STXBP6: variants seen among roughly 807,000 people sequenced by gnomAD.
STXBP6 encodes syntaxin-binding protein 6.
In STXBP6, 21 loss-of-function variants were observed where a neutral mutation model predicts 26.9. That is an observed-to-expected ratio of 0.78 (90% CI 0.55 to 1.12). STXBP6 has a LOEUF of 1.12. Among genes scored for constraint, STXBP6 ranks in the 50% most tolerant of loss-of-function variants. STXBP6 has a pLI of 0.00. For synonymous variants in STXBP6, 97 were observed against 92.6 expected (o/e 1.05, Z -0.27); for missense variants, 232 against 257.9 (o/e 0.90, Z 0.69).
chr14:24,933,174 C>T (rs1317182632), intron 2 of STXBP6, among the ~76,000 whole-genome samples: 6 of 152,110 alleles, frequency 3.9e-5, no homozygotes, highest in Non-Finnish European at 8.8e-5. Flanking sequence ...CACCCTGTCC[C>T]TATAAAAAAT....
chr14:24,819,020 C>T lies in STXBP6; in HGVS notation c.609+17G>A, dbSNP rs746446038. 1 of 1,557,944 alleles carries T rather than the reference C, an allele frequency of 6.4e-7. No individual in the cohort carries two copies. The highest frequency in any genetic ancestry group is 8.7e-7 in the Non-Finnish European group (1 of 1,149,604). On this transcript the variant is annotated intron_variant, in intron 5 of 5. Coordinates refer to ENST00000323944, the MANE Select transcript of STXBP6 (RefSeq NM_001394410.1). The stretch of plus-strand genomic sequence containing the variant: ...CAACACCCCAGAGCTGAGAAGCCTG[C>T]TCCTCTCTTGGCCCACCTTGTGCGC...
chr14:24,832,537 A>G (rs571277541), intron 4 of STXBP6, among the ~76,000 whole-genome samples: 1 of 152,318 alleles, frequency 6.6e-6, no homozygotes, highest in African/African-American at 2.4e-5. Flanking sequence ...GGGTATCATG[A>G]CTATTCATTA....
intron 2 of STXBP6, among the ~76,000 whole-genome samples, chr14:24,884,214 T>A (rs1279296940): frequency 6.6e-6 from 1 of 152,232 alleles, no homozygotes; most frequent in Non-Finnish European, 1.5e-5. Flanking sequence ...ACTAATCTAA[T>A]CCTTAAAAGG....
chr14:24,961,440 A>G (rs1415093581), intron 2 of STXBP6, among the ~76,000 whole-genome samples: 1 of 141,530 alleles, frequency 7.1e-6, no homozygotes, highest in Non-Finnish European at 1.5e-5. Flanking sequence ...AACAGATTTC[A>G]GAACTAAAAA....
At position 25,000,326 on chromosome 14, in the gene STXBP6, A is replaced by G. The variant is rs181076909; in HGVS notation, c.-32-25476T>C. 2.1e-3 allele frequency among the ~76,000 whole-genome samples: 317 copies of G among 150,060 alleles called. 2 individuals are homozygous for G. The highest frequency in any genetic ancestry group is 6.5e-3 in the African/African-American group (265 of 40,932). On this transcript the variant is annotated intron_variant, in intron 1 of 5. Transcript: ENST00000323944. ...GATACGCCCGCCTCGGCCTCCCAAA[A>G]TGCTGGGATTACAGGTGTGAGCCAC... is the stretch of plus-strand genomic sequence containing the variant.
intron 2 of STXBP6, among the ~76,000 whole-genome samples, chr14:24,860,723 C>T (rs370633946): frequency 4.0e-5 from 6 of 151,554 alleles, no homozygotes; most frequent in Non-Finnish European, 7.4e-5. Flanking sequence ...TTACTATACA[C>T]ATTGAACTTG....
chr14:24,848,480 A>T (rs1357668866), intron 4 of STXBP6, among the ~76,000 whole-genome samples: 1 of 152,142 alleles, frequency 6.6e-6, no homozygotes, highest in Non-Finnish European at 1.5e-5. Flanking sequence ...GGCATAGACA[A>T]AACATGTTTA....
chr14:25,046,425 G>GT (rs2075727772), intron 1 of STXBP6, among the ~76,000 whole-genome samples: 1 of 146,454 alleles, frequency 6.8e-6, no homozygotes. Context: ...GTACACTTGA[G>GT]TTTTTTAAAG....
At position 24,815,392 on chromosome 14, in the gene STXBP6, C is replaced by A. The variant is rs556944979; in HGVS notation, c.610-2660G>T. Among the ~76,000 whole-genome samples, 114 of 151,332 alleles carry A rather than the reference C, an allele frequency of 7.5e-4. 2 individuals carry two copies. The highest frequency in any genetic ancestry group is 3.8e-3 in the South Asian group (18 of 4,748). ...ATTATAATAAAATCATGACTGATAC[C>A]AGGCAGATATAGTATCAATATATTA... On this transcript the variant is annotated intron_variant, in intron 5 of 5. Transcript: ENST00000323944.
At chr14:25,024,447 T>C (rs1038141338) in intron 1 of STXBP6, among the ~76,000 whole-genome samples, 33 of 152,154 alleles carry the variant, frequency 2.2e-4, no homozygotes, top group Non-Finnish European at 1.5e-4. Context: ...AAGTTAAAGG[T>C]AGTAAGTTCA....
At chr14:24,836,096 C>CA (rs2068603532) in intron 4 of STXBP6, among the ~76,000 whole-genome samples, 1 of 152,186 alleles carries the variant, frequency 6.6e-6, no homozygotes, top group Non-Finnish European at 1.5e-5. Flanking sequence ...AGTTAATGAG[C>CA]AATAGCCTTC....
At position 24,945,223 on chromosome 14, in the gene STXBP6, G is replaced by A. The variant is rs549507932; in HGVS notation, c.154+29442C>T. 1.9e-3 allele frequency among the ~76,000 whole-genome samples: 256 copies of A among 131,480 alleles called. 3 individuals are homozygous for A. The highest frequency in any genetic ancestry group is 3.3e-4 in the Non-Finnish European group (21 of 64,014). The allele number at this position is 131,480 out of a possible 152,430, so 86.3% of individuals were successfully genotyped here. A position where few individuals can be genotyped will look rare whatever the true frequency, so the allele number is the denominator to read the frequency against. On this transcript the variant is annotated intron_variant, in intron 2 of 5. Transcript: ENST00000323944. ...ATGGTTTGGCAAGTGTGTTGTAGTG[G>A]ACCCCAGAAATCTGCTATTTTCTGA...
intron 1 of STXBP6, among the ~76,000 whole-genome samples, chr14:24,988,842 G>A (rs749649858): frequency 2.1e-4 from 32 of 152,190 alleles, no homozygotes; most frequent in Admixed American, 3.9e-4. Context: ...CAGGAAAGAG[G>A]TGTCTGAGGC....
intron 1 of STXBP6, among the ~76,000 whole-genome samples, chr14:25,020,939 C>A (rs548152569): frequency 6.6e-6 from 1 of 152,206 alleles, no homozygotes; most frequent in Admixed American, 6.5e-5. Context: ...GAAAGCCATA[C>A]GCAGGCAGAT....
chr14:24,938,351 T>G (rs978410212), intron 2 of STXBP6, among the ~76,000 whole-genome samples: 5 of 152,222 alleles, frequency 3.3e-5, no homozygotes, highest in Non-Finnish European at 7.3e-5. Flanking sequence ...TTGTTTTTCA[T>G]GAGATTCCAT....
At chr14:24,882,284 CAGG>C (rs2070392097) in intron 2 of STXBP6, among the ~76,000 whole-genome samples, 1 of 140,516 alleles carries the variant, frequency 7.1e-6, no homozygotes, top group Admixed American at 7.4e-5. Context: ...GAGGCTGAGG[CAGG>C]AGAATGGCGT....
chr14:24,888,878 CGTT>C (rs1405582402), intron 2 of STXBP6, among the ~76,000 whole-genome samples: 3 of 151,956 alleles, frequency 2.0e-5, no homozygotes, highest in African/African-American at 7.2e-5. Context: ...AAATAATTAC[CGTT>C]GTTGTTTTCT....
At chr14:25,013,976 G>T (rs2075092142) in intron 1 of STXBP6, among the ~76,000 whole-genome samples, 1 of 152,110 alleles carries the variant, frequency 6.6e-6, no homozygotes, top group Admixed American at 6.5e-5. Context: ...TATTAAAAAA[G>T]AGTCCTTATC....
At position 24,809,529 on chromosome 14, in the gene STXBP6, T is replaced by C. The variant is rs567823705; in HGVS notation, c.*3180A>G. ...CATATGTAATGACATTTTATCATCA[T>C]GCTAATACTAGTTCTGAGGTTTCCC... On this transcript the variant is annotated 3_prime_UTR_variant, in exon 6 of 6. Transcript: ENST00000323944. 1.3e-5 allele frequency: 2 copies of C among 152,240 alleles called. No individual in the cohort carries two copies. The highest frequency in any genetic ancestry group is 2.9e-5 in the Non-Finnish European group (2 of 68,038). The allele number at this position is 152,240 out of a possible 1,614,324, so 9.4% of individuals were successfully genotyped here.
Sources: gnomAD v4.1 joint callset for allele counts (sites outside exome capture counted in the v4.1 genomes callset) on GRCh38, gnomAD v4.1.1 for gene constraint, MANE v1.5 for transcripts, NCBI Gene and HGNC (gene_info 2026-07-23, HGNC 2026-07-21) for gene names.